Variants in DGKH observed in about 807,000 individuals in gnomAD.
The protein encoded by DGKH is diacylglycerol kinase eta.
DGKH carries 90 observed loss-of-function variants against 159.3 expected under a neutral mutation model. That is an observed-to-expected ratio of 0.57 (90% confidence interval 0.48 to 0.67). The LOEUF (loss-of-function observed/expected upper bound fraction) is 0.67, where lower values mean the gene tolerates loss of function less well. Ranked by LOEUF, DGKH falls within the 30% of genes least tolerant of loss-of-function variation. The pLI is 0.00. For synonymous variants in DGKH, 536 were observed against 553.8 expected, an observed-to-expected ratio of 0.97 and a Z score of 0.45; for missense variants, 1,181 against 1,506.1, an observed-to-expected ratio of 0.78 and a Z score of 3.57.
At chr13:42,101,425 A>T (rs957502772) in intron 1 of DGKH, among the ~76,000 whole-genome samples, 1 of 152,212 alleles carries the variant, frequency 6.6e-6, no homozygotes, top group African/African-American at 2.4e-5. Context: ...TTTAAATTAA[A>T]ACCAATTAAA....
rs751913930 is a variant in DGKH, at chr13:42,229,194, T to G, written c.*6T>G. 1 of 1,605,128 alleles carries G rather than the reference T, an allele frequency of 6.2e-7. No homozygotes were observed. The highest frequency in any genetic ancestry group is 8.5e-7 in the Non-Finnish European group (1 of 1,177,362). On this transcript the variant is annotated 3_prime_UTR_variant, in exon 30 of 30. Coordinates refer to ENST00000337343, the MANE Select transcript of DGKH (RefSeq NM_178009.5). ...CTCCACAGTCGGAGGTGTAATCATATTGGTGCTATTTCTTGGAAGAGAAGT... is the reference window on the plus strand; with the variant it reads ...CTCCACAGTCGGAGGTGTAATCATAGTGGTGCTATTTCTTGGAAGAGAAGT...
At chr13:42,223,844 T>C (rs1332343273) in intron 29 of DGKH, among the ~76,000 whole-genome samples, 1 of 152,108 alleles carries the variant, frequency 6.6e-6, no homozygotes, top group East Asian at 1.9e-4. Context: ...ACGGAATCCA[T>C]TGCCTGAATA....
At chr13:42,215,322 T>C (rs1394336148) in intron 25 of DGKH, among the ~76,000 whole-genome samples, 9 of 152,136 alleles carry the variant, frequency 5.9e-5, no homozygotes, top group Admixed American at 5.9e-4. Context: ...GGTGCTAGCA[T>C]ATACATATTC....
upstream of DGKH, among the ~76,000 whole-genome samples, chr13:42,044,691 C>T (rs116127755): frequency 4.8e-4 from 73 of 152,248 alleles, no homozygotes; most frequent in African/African-American, 1.7e-3. Context: ...TTTAAATAAA[C>T]GATCAGCCTT....
rs151186554 is a variant in DGKH at position 42,200,183 on chromosome 13, G to C, written c.2493+274G>C. 1.3e-3 allele frequency among the ~76,000 whole-genome samples: 194 copies of C among 152,280 alleles called. 3 individuals are homozygous for C. Among genetic ancestry groups the C allele is most frequent in the Admixed American group, 1.0e-3 (16 of 15,290 alleles). On this transcript the variant is annotated intron_variant, in intron 20 of 29. Transcript: ENST00000337343. ...TGGAGCCAAGGGAGCACATTTATAG[G>C]AGAGGGTTTTTAATGGATTTTCTCA...
chr13:42,152,544 C>T (rs912430809), intron 3 of DGKH, among the ~76,000 whole-genome samples: 1 of 149,702 alleles, frequency 6.7e-6, no homozygotes, highest in African/African-American at 2.4e-5. Flanking sequence ...TAATAAGATA[C>T]CCCAACAAGT....
At chr13:42,215,853 T>A (rs961181546) in intron 26 of DGKH, among the ~76,000 whole-genome samples, 186 bp downstream of exon 26, 2 of 152,244 alleles carry the variant, frequency 1.3e-5, no homozygotes, top group South Asian at 4.1e-4. Flanking sequence ...GGAGTCATGA[T>A]TCAGGCTAAC....
At chr13:42,132,335 A>G (rs930763988) in intron 3 of DGKH, among the ~76,000 whole-genome samples, 2 of 152,238 alleles carry the variant, frequency 1.3e-5, no homozygotes, top group Non-Finnish European at 2.9e-5. Flanking sequence ...ATTGTTAACT[A>G]TAGTCATCCT....
At position 42,081,333 on chromosome 13, in the gene DGKH, G is replaced by A. The variant is rs142098599; in HGVS notation, c.192+32368G>A. ...CAACTTCTACCTCCTGGGTTCAAGC[G>A]ATTCTCCTACCTCAGCCTCCCAAGT... On this transcript the variant is annotated intron_variant, in intron 1 of 29. Transcript: ENST00000337343. Among the ~76,000 whole-genome samples the A allele has an allele frequency of 3.9e-5, 6 of 152,016 alleles. No individual in the cohort carries two copies. In the East Asian group the frequency reaches 9.7e-4, roughly 25 times the overall value.
At chr13:42,183,435 C>T (rs528459370) in intron 13 of DGKH, among the ~76,000 whole-genome samples, 1 of 152,316 alleles carries the variant, frequency 6.6e-6, no homozygotes, top group East Asian at 1.9e-4. Flanking sequence ...CAGTCACACA[C>T]AGACACACAT....
intron 1 of DGKH, among the ~76,000 whole-genome samples, chr13:42,059,905 CT>C (rs11357293): frequency 0.16 from 22,410 of 139,654 alleles, 1,537 homozygotes; most frequent in Non-Finnish European, 0.18. Flanking sequence ...TCTCTTTTTT[CT>C]TTTTTTTTTT....
intron 1 of DGKH, among the ~76,000 whole-genome samples, chr13:42,125,372 G>C (rs557598409): frequency 6.6e-6 from 1 of 152,266 alleles, no homozygotes; most frequent in East Asian, 1.9e-4. Context: ...CTCTAACCCA[G>C]ACAGTGTGCT....
chr13:42,205,900 T>G, intron 20 of DGKH, 139 bp from the exon 21 acceptor site: 1 of 424,184 alleles, frequency 2.4e-6, no homozygotes, highest in East Asian at 3.6e-5. Flanking sequence ...ATAAATGATT[T>G]GGTAACGTGT....
Position 42,168,518 on chromosome 13 carries a change from A to G in DGKH, c.1197A>G (p.Ser399=), listed in dbSNP as rs776667253. 5.5e-5 allele frequency: 88 copies of G among 1,614,024 alleles called. No individual in the cohort carries two copies. The highest frequency in any genetic ancestry group is 6.9e-5 in the Non-Finnish European group (81 of 1,179,998). Reference sequence around the variant, plus strand: ...ATGGAAGTGTAGGTTGGGTTTTGTCAGAAATCGATAAGCTCAACTTGAATA... The same window carrying G: ...ATGGAAGTGTAGGTTGGGTTTTGTCGGAAATCGATAAGCTCAACTTGAATA... ...GGDGSVGWVL[S]EIDKLNLNKQ... The change falls in exon 10 of 30, where the codon TCA becomes TCG. Residue 399 remains serine, a synonymous_variant. Coordinates refer to ENST00000337343, the MANE Select transcript of DGKH (RefSeq NM_178009.5).
intron 1 of DGKH, among the ~76,000 whole-genome samples, chr13:42,087,112 T>TC (rs1441647816): frequency 0.011 from 1,515 of 138,858 alleles, 22 homozygotes; most frequent in African/African-American, 0.036. Flanking sequence ...ACAACAATCC[T>TC]TGAAGCTCAT....
chr13:42,105,512 T>G (rs904819004), intron 1 of DGKH, among the ~76,000 whole-genome samples: 1 of 152,168 alleles, frequency 6.6e-6, no homozygotes, highest in African/African-American at 2.4e-5. Flanking sequence ...AAAGGCATCC[T>G]TTTGGAGATG....
rs1208699990 is a variant in DGKH, at chr13:42,160,029, T to C, written c.748T>C (p.Trp250Arg). 6.2e-7 allele frequency: 1 copy of C among 1,614,058 alleles called. No homozygotes were observed. The highest frequency in any genetic ancestry group is 1.3e-5 in the African/African-American group (1 of 74,948). ...DEDGVAMPHQ[W>R]LEGNLPVSAK... ...TCCACAGGTCGCGATGCCTCACCAG[T>C]GGCTTGAGGGCAACCTGCCTGTAAG... is the stretch of plus-strand genomic sequence containing the variant. The change falls in exon 7 of 30, where the codon TGG becomes CGG. Residue 250 changes from tryptophan to arginine, a missense_variant. Transcript: ENST00000337343.
intron 28 of DGKH, chr13:42,221,057 G>C: frequency 1.9e-6 from 1 of 536,868 alleles, no homozygotes; most frequent in Non-Finnish European, 3.1e-6. Flanking sequence ...GGCAGCAAAT[G>C]GTTTTGTATA....
chr13:42,170,109 T>C (rs951788146), intron 11 of DGKH, among the ~76,000 whole-genome samples: 2 of 152,220 alleles, frequency 1.3e-5, no homozygotes, highest in Non-Finnish European at 2.9e-5. Flanking sequence ...TGGAGGTGAC[T>C]TCCCAGACAA....
Sources: gnomAD v4.1 joint callset for allele counts (sites outside exome capture counted in the v4.1 genomes callset) on GRCh38, gnomAD v4.1.1 for gene constraint, MANE v1.5 for transcripts, NCBI Gene and HGNC (gene_info 2026-07-23, HGNC 2026-07-21) for gene names.